TEX9: variants seen among roughly 807,000 people sequenced by gnomAD.
TEX9 encodes testis-expressed protein 9.
TEX9 carries 74 observed loss-of-function variants against 59.6 expected under a neutral mutation model. The ratio of observed to expected loss-of-function variants is 1.24; its 90% CI spans 1.03 to 1.51. TEX9 has a LOEUF of 1.51. Among genes scored for constraint, TEX9 ranks in the 40% most tolerant of loss-of-function variants. The probability of loss-of-function intolerance (pLI) is 0.00; values close to 1 mark genes in which losing one functional copy is unlikely to be tolerated. For missense variants in TEX9, 522 were observed against 447.8 expected, an observed-to-expected ratio of 1.17 and a Z score of -1.49; for synonymous variants, 186 against 152.2, an observed-to-expected ratio of 1.22 and a Z score of -1.64.
chr15:56,248,706 C>T (rs376313340), intron 1 of TEX9: 4 of 152,112 alleles, frequency 2.6e-5, no homozygotes, highest in African/African-American at 9.7e-5. Context: ...TAACTTGGGC[C>T]AAAAAGTCCC....
Position 56,394,258 on chromosome 15 carries a change from A to C in TEX9, c.654+11A>C. 1 of 1,585,544 alleles carries C rather than the reference A, an allele frequency of 6.3e-7. No individual in the cohort carries two copies. Among genetic ancestry groups the C allele is most frequent in the Non-Finnish European group, 8.6e-7 (1 of 1,166,410 alleles). On this transcript the variant is annotated intron_variant, in intron 8 of 12. Transcript: ENST00000352903. Reference sequence around the variant, plus strand: ...GAATGCAATAAAAAGGTAAGTTTTAAAAACCTCTTAAAAGGCTCTAATATT... The same window carrying C: ...GAATGCAATAAAAAGGTAAGTTTTACAAACCTCTTAAAAGGCTCTAATATT...
At chr15:56,383,535 A>G (rs904637468) in intron 3 of TEX9, among the ~76,000 whole-genome samples, 6 of 152,178 alleles carry the variant, frequency 3.9e-5, no homozygotes, top group Non-Finnish European at 7.3e-5. Context: ...CTTCACTTTT[A>G]GCATCTTCAC....
intron 12 of TEX9, among the ~76,000 whole-genome samples, chr15:56,436,750 C>T (rs753820382): frequency 1.3e-4 from 19 of 151,866 alleles, no homozygotes; most frequent in Non-Finnish European, 1.9e-4. Context: ...ATCAAATAGA[C>T]GCAATAAAAA....
chr15:56,354,280 G>A (rs2046643430), intron 1 of TEX9, among the ~76,000 whole-genome samples: 1 of 152,158 alleles, frequency 6.6e-6, no homozygotes, highest in African/African-American at 2.4e-5. Context: ...GTATTTCTGG[G>A]AGTCCCTGGA....
the TEX9 span, among the ~76,000 whole-genome samples, chr15:56,451,667 T>C: frequency 1.1e-4 from 17 of 152,216 alleles, no homozygotes; most frequent in South Asian, 2.1e-4. Context: ...TGATTAATGA[T>C]GGTTTGACTT....
At chr15:56,352,031 A>G (rs1596110341) in intron 1 of TEX9, among the ~76,000 whole-genome samples, 1 of 152,222 alleles carries the variant, frequency 6.6e-6, no homozygotes, top group Admixed American at 6.5e-5. Flanking sequence ...AGATAAGTAC[A>G]TAAGAAACCT....
chr15:56,269,422 G>A (rs62045716), intron 1 of TEX9, among the ~76,000 whole-genome samples: 6 of 151,886 alleles, frequency 4.0e-5, no homozygotes, highest in South Asian at 2.1e-4. Context: ...TTAGGGTGTC[G>A]ATTTTAGATC....
intron 1 of TEX9, among the ~76,000 whole-genome samples, chr15:56,353,470 T>C (rs1391581703): frequency 1.3e-5 from 2 of 152,244 alleles, no homozygotes; most frequent in Non-Finnish European, 2.9e-5. Flanking sequence ...ACTAACAGTG[T>C]ACACTTTTCA....
chr15:56,282,099 G>A (rs1193181925), intron 1 of TEX9, among the ~76,000 whole-genome samples: 2 of 152,042 alleles, frequency 1.3e-5, no homozygotes, highest in Non-Finnish European at 2.9e-5. Context: ...TAAACAAAAT[G>A]TGAGAAAAAG....
intron 1 of TEX9, among the ~76,000 whole-genome samples, chr15:56,248,160 G>A: frequency 6.6e-6 from 1 of 152,172 alleles, no homozygotes. Flanking sequence ...GGATGTGGGA[G>A]GGAGTGAAGA....
At chr15:56,458,785 C>T in the TEX9 span, among the ~76,000 whole-genome samples, 8 of 152,128 alleles carry the variant, frequency 5.3e-5, no homozygotes, top group South Asian at 1.7e-3. Flanking sequence ...GGCTTCATAG[C>T]TCATTTCATT....
the TEX9 span, among the ~76,000 whole-genome samples, chr15:56,452,552 T>C: frequency 1.3e-5 from 2 of 150,812 alleles, no homozygotes; most frequent in African/African-American, 2.4e-5. Context: ...AGAGTCTCTC[T>C]CTGTCGCCCA....
chr15:56,388,698 T>C (rs1185959212), intron 5 of TEX9, among the ~76,000 whole-genome samples, 178 bp downstream of exon 5: 1 of 152,036 alleles, frequency 6.6e-6, no homozygotes. Flanking sequence ...GAATCCTTTG[T>C]TGTCTCATAA....
chr15:56,349,999 T>C (rs1395998193), intron 1 of TEX9, among the ~76,000 whole-genome samples: 3 of 152,102 alleles, frequency 2.0e-5, no homozygotes, highest in African/African-American at 4.8e-5. Context: ...TGCCCTCTCC[T>C]TTAGGTTGAA....
At chr15:56,262,298 T>C (rs1328809425) in intron 1 of TEX9, among the ~76,000 whole-genome samples, 1 of 152,242 alleles carries the variant, frequency 6.6e-6, no homozygotes, top group Admixed American at 6.5e-5. Flanking sequence ...CAGCACACAC[T>C]GCTTTAGCTA....
chr15:56,349,071 T>C (rs1188274878), intron 1 of TEX9, among the ~76,000 whole-genome samples: 3 of 152,204 alleles, frequency 2.0e-5, no homozygotes, highest in African/African-American at 7.2e-5. Context: ...AATAACTGCT[T>C]TAAATTCCTT....
intron 10 of TEX9, among the ~76,000 whole-genome samples, chr15:56,412,867 C>G (rs1378622065): frequency 8.5e-5 from 13 of 152,070 alleles, no homozygotes; most frequent in Admixed American, 1.3e-4. Context: ...TCTGGGAGGG[C>G]TTGTTAAATC....
In TEX9 at chr15:56,339,383, C is replaced by CAAAAAAAAAAAAAAAAAAAAAAAAAAAAA. The variant is rs71456382; in HGVS notation, c.-106-34055_-106-34027dup. Among the ~76,000 whole-genome samples the CAAAAAAAAAAAAAAAAAAAAAAAAAAAAA allele has an allele frequency of 1.9e-4, 6 of 30,770 alleles. 2 individuals are homozygous for CAAAAAAAAAAAAAAAAAAAAAAAAAAAAA. The highest frequency in any genetic ancestry group is 6.1e-4 in the Admixed American group (1 of 1,640). The allele number at this position is 30,770 out of a possible 152,430, so 20.2% of individuals were successfully genotyped here. On this transcript the variant is annotated intron_variant, in intron 1 of 5. Coordinates refer to the TEX9 transcript ENST00000560827. ...GGGTGTCAGAGCAAGACTCCTTCTC[C>CAAAAAAAAAAAAAAAAAAAAAAAAAAAAA]AAAAAAAAAAAAAAAAAAAAAAAAA...
chr15:56,418,403 T>C (rs533815257), intron 10 of TEX9, among the ~76,000 whole-genome samples: 112 of 151,968 alleles, frequency 7.4e-4, no homozygotes, highest in Non-Finnish European at 1.3e-3. Context: ...CATTCACTTA[T>C]CTGAAGAGGA....
Sources: gnomAD v4.1 joint callset for allele counts (sites outside exome capture counted in the v4.1 genomes callset) on GRCh38, gnomAD v4.1.1 for gene constraint, MANE v1.5 for transcripts, NCBI Gene and HGNC (gene_info 2026-07-23, HGNC 2026-07-21) for gene names.